TRIM16: variants seen among roughly 807,000 people sequenced by gnomAD.
TRIM16 encodes tripartite motif-containing protein 16.
In TRIM16, 33 loss-of-function variants were observed where a neutral mutation model predicts 50.4. The observed-to-expected ratio is 0.65, with a 90% CI of 0.50 to 0.88. The LOEUF is 0.88. TRIM16 is among the 40% of genes least tolerant of loss of function. The probability of loss-of-function intolerance (pLI) is 0.00; values close to 1 mark genes in which losing one functional copy is unlikely to be tolerated. For synonymous variants in TRIM16, 229 were observed against 270.7 expected (o/e 0.85, Z 1.51); for missense variants, 581 against 686.8 (o/e 0.85, Z 1.72).
At chr17:15,631,000 G>A (rs990929859) in intron 11 of TRIM16, among the ~76,000 whole-genome samples, 2 of 152,160 alleles carry the variant, frequency 1.3e-5, no homozygotes, top group African/African-American at 4.8e-5. Flanking sequence ...CCCCTACATT[G>A]TTCAAGGGTC....
intron 6 of TRIM16, among the ~76,000 whole-genome samples, chr17:15,661,461 G>A (rs988035778): frequency 6.6e-6 from 1 of 151,974 alleles, no homozygotes; most frequent in Non-Finnish European, 1.5e-5. Context: ...TTCATATTTC[G>A]CAGCTCCTTT....
At chr17:15,676,531 G>A (rs1597674827) in intron 6 of TRIM16, among the ~76,000 whole-genome samples, 1 of 150,782 alleles carries the variant, frequency 6.6e-6, no homozygotes, top group African/African-American at 2.4e-5. Flanking sequence ...ACCTCCTGGG[G>A]TTCACGCCAT....
intron 6 of TRIM16, among the ~76,000 whole-genome samples, chr17:15,661,592 C>T (rs1281218930): frequency 6.6e-6 from 1 of 152,146 alleles, no homozygotes; most frequent in Non-Finnish European, 1.5e-5. Flanking sequence ...GCCTCTGATG[C>T]CCTGCAGTCC....
rs752045205 is a variant in TRIM16 at position 15,628,812 on chromosome 17, C to T, written c.1498G>A (p.Asp500Asn). Residue 500 changes from aspartate to asparagine, a missense_variant, in exon 12 of 12, where the codon GAC becomes AAC. Asp to Asn is a conservative substitution (Grantham distance 23). Around this residue, in one of 3 missense-constraint regions of TRIM16, gnomAD observed 115 missense variants for 106.7 expected, o/e 1.08. Coordinates refer to ENST00000649191, the MANE Select transcript of TRIM16 (RefSeq NM_001348119.1). The part of the protein sequence containing the change: ...GPFRRLGVYI[D>N]FPGGILSFYG... ...AAGGAAAGGATCCCTCCCGGGAAGT[C>T]GATATAGACCCCGAGCCTCCGGAAA... 6.2e-7 allele frequency: 1 copy of T among 1,614,138 alleles called. No homozygotes were observed.
Position 15,683,262 on chromosome 17 carries a change from T to A in TRIM16, c.-898-105A>T, listed in dbSNP as rs1046481466. 4 of 923,352 alleles carry A rather than the reference T, an allele frequency of 4.3e-6. No homozygotes were observed. In the African/African-American group the frequency reaches 6.7e-5, roughly 15 times the overall value. 57.2% of individuals were successfully genotyped at this position (923,352 alleles called of 1,614,324 possible). A position where few individuals can be genotyped will look rare whatever the true frequency, so the allele number is the denominator to read the frequency against. ...ACGCAGAGTCTGACGCAGTATCTTT[T>A]GAGCTAAAGCTAAACTCAAGAACTT... On this transcript the variant is annotated intron_variant, in intron 1 of 11. Coordinates refer to ENST00000649191, the MANE Select transcript of TRIM16 (RefSeq NM_001348119.1).
intron 8 of TRIM16, 66 bp from the exon 9 acceptor site, chr17:15,636,335 C>G: frequency 6.5e-7 from 1 of 1,543,646 alleles, no homozygotes; most frequent in Non-Finnish European, 8.9e-7. Flanking sequence ...TTGATAGAAA[C>G]TCAACATACA....
Position 15,629,027 on chromosome 17 carries a change from C to G in TRIM16, c.1283G>C (p.Arg428Thr). The G allele has an allele frequency of 6.2e-7, 1 of 1,614,150 alleles. No individual in the cohort carries two copies. The highest frequency in any genetic ancestry group is 8.5e-7 in the Non-Finnish European group (1 of 1,180,000). Residue 428 changes from arginine (R) to threonine (T), a missense_variant, in exon 12 of 12, where the codon AGG becomes ACG. Transcript: ENST00000649191. ...GAAGATCTCCACCTCAAAATAGTAC[C>G]TGTGCAGGTACAGACTCTGCTGGGA... ...VLSQQSLYLH[R>T]YYFEVEIFGA...
intron 9 of TRIM16, among the ~76,000 whole-genome samples, chr17:15,634,395 C>T (rs1597603343): frequency 6.8e-6 from 1 of 147,376 alleles, no homozygotes; most frequent in African/African-American, 2.5e-5. Flanking sequence ...TTTGGGAGGC[C>T]GAGGCGGGCA....
At chr17:15,663,655 C>T (rs918476519) in intron 6 of TRIM16, among the ~76,000 whole-genome samples, 4 of 152,214 alleles carry the variant, frequency 2.6e-5, no homozygotes, top group African/African-American at 9.6e-5. Context: ...CAGCCGGAAG[C>T]ATCCTAAATG....
intron 6 of TRIM16, among the ~76,000 whole-genome samples, chr17:15,675,929 T>G (rs895126252): frequency 6.6e-6 from 1 of 151,528 alleles, no homozygotes; most frequent in African/African-American, 2.4e-5. Flanking sequence ...TTGTAACTCT[T>G]TTTGTGCTCT....
chr17:15,645,643 C>T (rs1987335206), intron 7 of TRIM16, among the ~76,000 whole-genome samples: 1 of 152,202 alleles, frequency 6.6e-6, no homozygotes, highest in Admixed American at 6.5e-5. Context: ...TCATTATGCC[C>T]TAATAGAACT....
At position 15,665,112 on chromosome 17, in the gene TRIM16, G is replaced by A. The variant is rs1322228512; in HGVS notation, c.-338+12064C>T. ...TGCTCAACAGGGTGTGTTTGCTTCTGGAAAGTTTTATTATTTGCTTTTTTA... is the reference window on the plus strand; with the variant it reads ...TGCTCAACAGGGTGTGTTTGCTTCTAGAAAGTTTTATTATTTGCTTTTTTA... On this transcript the variant is annotated intron_variant, in intron 6 of 11. Coordinates refer to ENST00000649191, the MANE Select transcript of TRIM16 (RefSeq NM_001348119.1). 2.6e-5 allele frequency among the ~76,000 whole-genome samples: 4 copies of A among 151,574 alleles called. No individual in the cohort carries two copies. In the East Asian group the frequency reaches 7.8e-4, roughly 30 times the overall value.
Position 15,682,909 on chromosome 17 carries a change from T to C in TRIM16, c.-734A>G. The C allele has an allele frequency of 6.7e-7, 1 of 1,494,842 alleles. No homozygotes were observed. Among genetic ancestry groups the C allele is most frequent in the South Asian group, 1.4e-5 (1 of 72,930 alleles). The allele number at this position is 1,494,842 out of a possible 1,614,324, so 92.6% of individuals were successfully genotyped here. On this transcript the variant is annotated 5_prime_UTR_variant, in exon 3 of 12. Coordinates refer to ENST00000649191, the MANE Select transcript of TRIM16 (RefSeq NM_001348119.1). ...TTCACAGATGAGGAAACTGTTAACT[T>C]GCCCAAGTTCTCTGTGCTGCCCACA... is the stretch of plus-strand genomic sequence containing the variant.
rs370977600 is a variant in TRIM16 at position 15,682,219 on chromosome 17, T to C, written c.-679+635A>G. Among the ~76,000 whole-genome samples the C allele has an allele frequency of 2.6e-5, 4 of 152,380 alleles. No individual in the cohort carries two copies. The South Asian group carries it at 6.2e-4, about 24-fold the overall frequency. On this transcript the variant is annotated intron_variant, in intron 3 of 11. Transcript: ENST00000649191. ...CATATCAACATTAACCAAGACTTTA[T>C]GGCGCTTTCTTTCTATACTTTGTTT... is the stretch of plus-strand genomic sequence containing the variant.
At chr17:15,652,549 G>A (rs1005694731) in intron 6 of TRIM16, among the ~76,000 whole-genome samples, 7 of 126,914 alleles carry the variant, frequency 5.5e-5, no homozygotes, top group African/African-American at 1.9e-4. Flanking sequence ...TGCAACCTCC[G>A]CCTCCTGGGT....
intron 4 of TRIM16, 62 bp downstream of exon 4, chr17:15,680,803 A>T: frequency 6.7e-7 from 1 of 1,492,792 alleles, no homozygotes; most frequent in Non-Finnish European, 8.9e-7. Context: ...CTGAGAAGAG[A>T]GGAAAATCCC....
chr17:15,679,342 T>C (rs1989081307), intron 4 of TRIM16, among the ~76,000 whole-genome samples: 1 of 152,120 alleles, frequency 6.6e-6, no homozygotes, highest in Non-Finnish European at 1.5e-5. Context: ...ATGAGTTAAG[T>C]TCAGGAAACA....
chr17:15,665,351 C>T (rs1337885527), intron 6 of TRIM16, among the ~76,000 whole-genome samples: 8 of 151,682 alleles, frequency 5.3e-5, no homozygotes, highest in Admixed American at 2.0e-4. Context: ...CTACTAAAAA[C>T]ACAAAAAATT....
chr17:15,680,232 T>A (rs9914649), intron 4 of TRIM16, among the ~76,000 whole-genome samples: 2,653 of 152,146 alleles, frequency 0.017, 76 homozygotes, highest in African/African-American at 0.061. Flanking sequence ...GCTAGTTGAA[T>A]GAATAAAACC....
Sources: gnomAD v4.1 joint callset for allele counts (sites outside exome capture counted in the v4.1 genomes callset) on GRCh38, gnomAD v4.1.1 for gene constraint, gnomAD v4.1.1 regional missense constraint, MANE v1.5 for transcripts, NCBI Gene and HGNC (gene_info 2026-07-23, HGNC 2026-07-21) for gene names.